Variants in SSC5D observed in about 807,000 individuals in gnomAD.
SSC5D encodes soluble scavenger receptor cysteine-rich domain-containing protein SSC5D.
Under a neutral mutation model 104.6 loss-of-function variants are expected in SSC5D, and 106 were observed. The ratio of observed to expected loss-of-function variants is 1.01; its 90% CI spans 0.87 to 1.19. The LOEUF (loss-of-function observed/expected upper bound fraction) is 1.19. SSC5D is among the 50% of genes most tolerant of loss of function. SSC5D has a pLI of 0.00. For synonymous variants in SSC5D, 860 were observed against 883.5 expected, an observed-to-expected ratio of 0.97 and a Z score of 0.47; for missense variants, 1,993 against 2,153.8, an observed-to-expected ratio of 0.93 and a Z score of 1.48.
chr19:55,491,641 G>A (rs117700125), intron 6 of SSC5D: 6,866 of 156,000 alleles, frequency 0.044, 230 homozygotes, highest in Non-Finnish European at 0.07. Context: ...CCCTCAGCGC[G>A]GGGTCTCCTC....
chr19:55,498,219 G>C, intron 9 of SSC5D, 22 bp downstream of exon 9: 1 of 1,551,238 alleles, frequency 6.4e-7, no homozygotes, highest in South Asian at 1.2e-5. Flanking sequence ...CTAGCTATCT[G>C]TTGACTCCAG....
At position 55,490,903 on chromosome 19, in the gene SSC5D, G is replaced by A. The variant is rs1434687754; in HGVS notation, c.718G>A (p.Gly240Ser). Residue 240 changes from glycine (G) to serine (S), a missense_variant, in exon 6 of 14, where the codon GGC (glycine) becomes AGC (serine). Gly to Ser is a moderately conservative substitution (Grantham distance 56, BLOSUM62 0). Around this residue, in one of 6 missense-constraint regions of SSC5D, gnomAD observed 1,101 missense variants for 1,085.0 expected, o/e 1.01. Coordinates refer to ENST00000389623, the MANE Select transcript of SSC5D (RefSeq NM_001144950.2). ...RDAAVACRELGCGGALAAPGG... is the reference protein window; with the variant it reads ...RDAAVACRELSCGGALAAPGG... Reference sequence around the variant, plus strand: ...CGCTGCTGTAGCCTGCCGGGAACTGGGCTGTGGGGGGGCGCTGGCTGCCCC... The same window carrying A: ...CGCTGCTGTAGCCTGCCGGGAACTGAGCTGTGGGGGGGCGCTGGCTGCCCC... The A allele has an allele frequency of 1.9e-5, 29 of 1,545,556 alleles. No homozygotes were observed. Among genetic ancestry groups the A allele is most frequent in the Non-Finnish European group, 2.5e-5 (29 of 1,144,230 alleles).
Position 55,499,410 on chromosome 19 carries a change from G to C in SSC5D, c.1706-406G>C, listed in dbSNP as rs377381977. On this transcript the variant is annotated intron_variant, in intron 9 of 13. Transcript: ENST00000389623. Reference sequence around the variant, plus strand: ...GCACCACAGAAGGATTCTGAGTTCGGGAGTGGCCTGTCGGACCTGGGTACC... The same window carrying C: ...GCACCACAGAAGGATTCTGAGTTCGCGAGTGGCCTGTCGGACCTGGGTACC... Among the ~76,000 whole-genome samples, 5 of 152,318 alleles carry C rather than the reference G, an allele frequency of 3.3e-5. No individual in the cohort carries two copies. In the East Asian group the frequency reaches 7.7e-4, roughly 24 times the overall value.
Position 55,489,677 on chromosome 19 carries a change from G to A in SSC5D, c.361+15G>A. 6.5e-7 allele frequency: 1 copy of A among 1,528,528 alleles called. No homozygotes were observed. The highest frequency in any genetic ancestry group is 1.2e-5 in the South Asian group (1 of 82,926). The allele number at this position is 1,528,528 out of a possible 1,614,324, so 94.7% of individuals were successfully genotyped here. ...CGTCTGCGCAGGTGAGGACACCCTG[G>A]CTGCTCCTTCAGGGGGAGCTCCTTT... is the stretch of plus-strand genomic sequence containing the variant. On this transcript the variant is annotated intron_variant, in intron 3 of 13. Coordinates refer to ENST00000389623, the MANE Select transcript of SSC5D (RefSeq NM_001144950.2).
Position 55,500,025 on chromosome 19 carries a change from C to G in SSC5D, c.1915C>G (p.Pro639Ala). Residue 639 changes from proline (P) to alanine (A), a missense_variant, in exon 10 of 14, where the codon CCA becomes GCA. By Grantham distance (27) the Pro-to-Ala change is conservative (BLOSUM62 -1). Coordinates refer to ENST00000389623, the MANE Select transcript of SSC5D (RefSeq NM_001144950.2). The surrounding 1 kb of genome is among the most constrained non-coding windows in gnomAD (Gnocchi z 4.6). ...KKWVTKNAKR[P>A]TTQPPVMPTT... ...GTGGGTGACAAAAAATGCAAAGAGA[C>G]CAACCACTCAACCCCCAGTGATGCC... The G allele has an allele frequency of 2.6e-6, 4 of 1,551,842 alleles. No individual in the cohort carries two copies. Among genetic ancestry groups the G allele is most frequent in the Non-Finnish European group, 3.5e-6 (4 of 1,147,024 alleles).
Sources: gnomAD v4.1 joint callset for allele counts (sites outside exome capture counted in the v4.1 genomes callset) on GRCh38, gnomAD v4.1.1 for gene constraint, gnomAD v4.1.1 regional missense constraint, Gnocchi (gnomAD v3.1) non-coding constraint, MANE v1.5 for transcripts, NCBI Gene and HGNC (gene_info 2026-07-23, HGNC 2026-07-21) for gene names.